The following ZNF704 variants were observed in gnomAD, a reference collection of about 807,000 sequenced individuals.
The protein encoded by ZNF704 is zinc finger protein 704.
ZNF704 carries 10 observed loss-of-function variants against 44.7 expected under a neutral mutation model. That is an observed-to-expected ratio of 0.22 (90% CI 0.14 to 0.38). The LOEUF is 0.38. Among genes scored for constraint, ZNF704 ranks in the 10% least tolerant of loss-of-function variants. ZNF704 has a pLI of 1.00. For synonymous variants in ZNF704, 211 were observed against 207.6 expected, an observed-to-expected ratio of 1.02 and a Z score of -0.14; for missense variants, 390 against 545.5, an observed-to-expected ratio of 0.71 and a Z score of 2.84.
Position 80,641,260 on chromosome 8 carries a change from G to A in ZNF704, c.*106C>T. ...AAGGTTCCTGAAAGGGCTTTTCCTG[G>A]CTTCAACTGTGTTTTATTCAGTAGG... On this transcript the variant is annotated 3_prime_UTR_variant, in exon 9 of 9. Coordinates refer to ENST00000327835, the MANE Select transcript of ZNF704 (RefSeq NM_001033723.3). The A allele has an allele frequency of 9.3e-6, 6 of 647,344 alleles. No homozygotes were observed. The South Asian group carries it at 1.9e-4, about 20-fold the overall frequency. The allele number at this position is 647,344 out of a possible 1,614,324, so 40.1% of individuals were successfully genotyped here.
chr8:80,746,652 G>A lies in ZNF704; in HGVS notation c.222-53545C>T, dbSNP rs891289502. Reference sequence around the variant, plus strand: ...AACTAGATAGAACCTACGTTTTCAAGTACTTTTACAAGTCCAATGGGGGCA... The same window carrying A: ...AACTAGATAGAACCTACGTTTTCAAATACTTTTACAAGTCCAATGGGGGCA... On this transcript the variant is annotated intron_variant, in intron 2 of 8. Transcript: ENST00000327835. Among the ~76,000 whole-genome samples the A allele has an allele frequency of 5.9e-5, 9 of 152,246 alleles. No homozygotes were observed. The South Asian group carries it at 1.2e-3, about 21-fold the overall frequency.
intron 2 of ZNF704, among the ~76,000 whole-genome samples, chr8:80,802,887 G>A (rs548017114): frequency 6.6e-6 from 1 of 152,246 alleles, no homozygotes; most frequent in African/African-American, 2.4e-5. Context: ...AGGAAGAGAG[G>A]AAGTCAAATT....
chr8:80,681,838 G>A (rs1177949832), intron 4 of ZNF704, among the ~76,000 whole-genome samples: 1 of 152,142 alleles, frequency 6.6e-6, no homozygotes, highest in Non-Finnish European at 1.5e-5. Context: ...GATTTCCAAA[G>A]TCCTTCGAAC....
rs116900189 is a variant in ZNF704 at position 80,852,506 on chromosome 8, T to G, written c.-22+22065A>C. Reference sequence around the variant, plus strand: ...TTTCTTGATGGCACAAAGTCATCATTGTGGAAATGTTGTAATTAAATTATA... The same window carrying G: ...TTTCTTGATGGCACAAAGTCATCATGGTGGAAATGTTGTAATTAAATTATA... On this transcript the variant is annotated intron_variant, in intron 1 of 8. Transcript: ENST00000327835. Among the ~76,000 whole-genome samples, 30 of 152,372 alleles carry G rather than the reference T, an allele frequency of 2.0e-4. No individual in the cohort carries two copies. In the East Asian group the frequency reaches 5.6e-3, roughly 28 times the overall value.
chr8:80,808,443 A>C (rs1283238849), intron 2 of ZNF704, among the ~76,000 whole-genome samples: 1 of 152,254 alleles, frequency 6.6e-6, no homozygotes, highest in African/African-American at 2.4e-5. Context: ...TCCAAATGTT[A>C]ATTTTCAAGT....
rs1203939117 is a variant in ZNF704 at position 80,823,999 on chromosome 8, TAA to T, written c.-21-2386_-21-2385del. 5.3e-5 allele frequency among the ~76,000 whole-genome samples: 8 copies of T among 152,322 alleles called. No homozygotes were observed. The East Asian group carries it at 1.4e-3, about 26-fold the overall frequency. ...ACCAGAGCAGAAAAGCTGAAAATTC[TAA>T]AAATCAGAGCACCTCTTCTCCTCCA... On this transcript the variant is annotated intron_variant, in intron 1 of 8. Transcript: ENST00000327835.
At chr8:80,825,700 A>G (rs541736741) in intron 1 of ZNF704, among the ~76,000 whole-genome samples, 1 of 152,316 alleles carries the variant, frequency 6.6e-6, no homozygotes, top group Non-Finnish European at 1.5e-5. Context: ...AGCAAATGTA[A>G]AAGAACAGAA....
intron 2 of ZNF704, among the ~76,000 whole-genome samples, chr8:80,706,279 C>A (rs1189528201): frequency 6.6e-6 from 1 of 151,706 alleles, no homozygotes; most frequent in Non-Finnish European, 1.5e-5. Flanking sequence ...TTCATGAGGG[C>A]AATTAGGAGA....
At chr8:80,769,131 A>G (rs978149227) in intron 2 of ZNF704, among the ~76,000 whole-genome samples, 1 of 152,156 alleles carries the variant, frequency 6.6e-6, no homozygotes, top group Non-Finnish European at 1.5e-5. Flanking sequence ...ATTCTAAAGA[A>G]CTCTATTAGC....
intron 2 of ZNF704, among the ~76,000 whole-genome samples, chr8:80,820,018 G>C (rs771428433): frequency 1.3e-5 from 2 of 152,184 alleles, no homozygotes; most frequent in African/African-American, 4.8e-5. Context: ...TTGGACAAAT[G>C]CAGGACTTCT....
At chr8:80,793,608 T>C (rs1204975729) in intron 2 of ZNF704, among the ~76,000 whole-genome samples, 1 of 152,116 alleles carries the variant, frequency 6.6e-6, no homozygotes, top group African/African-American at 2.4e-5. Flanking sequence ...GTATTAATAG[T>C]AGTATCCATA....
chr8:80,824,148 G>A (rs537905820), intron 1 of ZNF704, among the ~76,000 whole-genome samples: 16 of 152,244 alleles, frequency 1.1e-4, no homozygotes, highest in African/African-American at 3.9e-4. Context: ...GAGGATGTTC[G>A]AACCCATTGC....
chr8:80,823,531 G>A (rs1270664513), intron 1 of ZNF704, among the ~76,000 whole-genome samples: 1 of 152,244 alleles, frequency 6.6e-6, no homozygotes, highest in Non-Finnish European at 1.5e-5. Context: ...AGCAACTTCT[G>A]CAGACTTACA....
chr8:80,766,305 G>A (rs1481597169), intron 2 of ZNF704, among the ~76,000 whole-genome samples: 2 of 152,018 alleles, frequency 1.3e-5, no homozygotes, highest in Non-Finnish European at 2.9e-5. Flanking sequence ...GGTCAAACAT[G>A]AACTCTCAAT....
At chr8:80,692,135 C>A (rs1818648822) in intron 3 of ZNF704, among the ~76,000 whole-genome samples, 1 of 152,128 alleles carries the variant, frequency 6.6e-6, no homozygotes, top group African/African-American at 2.4e-5. Flanking sequence ...GCATAAATGA[C>A]CCCTCCTGAT....
chr8:80,732,662 A>C (rs1039721823), intron 2 of ZNF704, among the ~76,000 whole-genome samples: 2 of 152,246 alleles, frequency 1.3e-5, no homozygotes. Flanking sequence ...GATCTTGAGC[A>C]AGAACCAGCC....
chr8:80,807,674 T>C (rs1808013062), intron 2 of ZNF704, among the ~76,000 whole-genome samples: 1 of 140,708 alleles, frequency 7.1e-6, no homozygotes, highest in South Asian at 2.1e-4. Flanking sequence ...AAAATGTAAA[T>C]GTATATATTT....
intron 2 of ZNF704, among the ~76,000 whole-genome samples, chr8:80,795,453 C>A (rs139963553): frequency 1.3e-5 from 2 of 151,840 alleles, no homozygotes; most frequent in South Asian, 4.2e-4. Context: ...ATAACTGAAC[C>A]CTGTAGGAAG....
chr8:80,771,094 A>C (rs1807311944), intron 2 of ZNF704, among the ~76,000 whole-genome samples: 1 of 152,144 alleles, frequency 6.6e-6, no homozygotes, highest in Non-Finnish European at 1.5e-5. Flanking sequence ...TCTCTCCACA[A>C]ATAGCACACA....
Sources: allele counts gnomAD v4.1 joint callset (sites outside exome capture counted in the v4.1 genomes callset), GRCh38; gene constraint gnomAD v4.1.1; transcripts MANE v1.5; gene names NCBI Gene and HGNC (gene_info 2026-07-23, HGNC 2026-07-21).